The following IQGAP3 variants were observed in gnomAD, a reference collection of about 807,000 sequenced individuals.
IQGAP3 encodes IQ motif containing GTPase activating protein 3.
A neutral mutation model predicts 208.2 loss-of-function variants in IQGAP3; 165 were observed. That is an observed-to-expected ratio of 0.79 (90% confidence interval 0.70 to 0.90). The LOEUF (loss-of-function observed/expected upper bound fraction) is 0.90, where lower values mean the gene tolerates loss of function less well. Among genes scored for constraint, IQGAP3 ranks in the 40% least tolerant of loss-of-function variants. IQGAP3 has a pLI of 0.00. For missense variants in IQGAP3, 1,811 were observed against 2,043.1 expected (o/e 0.89, Z 2.19); for synonymous variants, 703 against 803.6 (o/e 0.87, Z 2.12).
chr1:156,548,737 C>A lies in IQGAP3; in HGVS notation c.1837G>T (p.Val613Leu), dbSNP rs1015302750. 2.5e-6 allele frequency: 4 copies of A among 1,572,106 alleles called. No individual in the cohort carries two copies. Among genetic ancestry groups the A allele is most frequent in the Admixed American group, 3.6e-5 (2 of 56,152 alleles). Reference protein sequence around the residue: ...TNTAQRMALGVAAINQAIKEG... With the variant: ...TNTAQRMALGLAAINQAIKEG... The stretch of plus-strand genomic sequence containing the variant: ...TTGATGGCTTGATTGATGGCAGCCA[C>A]ACCAAGAGCCACTGACAGGGGCATC... The change falls in exon 17 of 38, where the codon GTG becomes TTG. Residue 613 changes from valine to leucine, a missense_variant. Transcript: ENST00000361170.
In IQGAP3 at chr1:156,569,358, T is replaced by C. The variant is rs1181386042; in HGVS notation, c.125+18A>G. On this transcript the variant is annotated intron_variant, in intron 2 of 37. Coordinates refer to ENST00000361170, the MANE Select transcript of IQGAP3 (RefSeq NM_178229.5). The stretch of plus-strand genomic sequence containing the variant: ...AAAGGGAGAGCAGAAAGAGTCCATC[T>C]TCCTGGACTCCGCTCACCGCTTGGC... 1.9e-6 allele frequency: 3 copies of C among 1,564,178 alleles called. No homozygotes were observed. Among genetic ancestry groups the C allele is most frequent in the Middle Eastern group, 1.7e-4 (1 of 5,752 alleles).
intron 26 of IQGAP3, among the ~76,000 whole-genome samples, chr1:156,538,393 T>G (rs1255502292): frequency 6.6e-6 from 1 of 152,158 alleles, no homozygotes; most frequent in Non-Finnish European, 1.5e-5. Flanking sequence ...TTCACCATGT[T>G]GGCCAGGCTG....
intron 10 of IQGAP3, 143 bp from the exon 11 acceptor site, chr1:156,561,164 C>T (rs1676132989): frequency 5.2e-6 from 3 of 580,868 alleles, no homozygotes; most frequent in South Asian, 2.0e-5. Flanking sequence ...TCACTCATCC[C>T]TATTAACCGT....
intron 26 of IQGAP3, among the ~76,000 whole-genome samples, chr1:156,537,855 C>T (rs1370283192): frequency 6.6e-6 from 1 of 152,000 alleles, no homozygotes; most frequent in East Asian, 1.9e-4. Flanking sequence ...TCTTCTATAC[C>T]CCTATCAATA....
chr1:156,530,131 G>A lies in IQGAP3; in HGVS notation c.4378C>T (p.Gln1460Ter). The A allele has an allele frequency of 6.2e-7, 1 of 1,606,822 alleles. No homozygotes were observed. The highest frequency in any genetic ancestry group is 8.5e-7 in the Non-Finnish European group (1 of 1,176,718). Residue 1460 changes from glutamine to a stop codon, truncating the protein, a stop_gained, in exon 34 of 38, where the codon CAG (glutamine) becomes TAG (stop). Transcript: ENST00000361170. LOFTEE classifies it high-confidence loss of function. ...TTGGCCAGCTCGTCCACTAGCCCCT[G>A]GTAGCCATTTCTGGCGCTGACCAAC... ...LGLVSARNGY[Q>*]GLVDELAKDI...
intron 13 of IQGAP3, among the ~76,000 whole-genome samples, chr1:156,553,166 A>AC (rs1423981917): frequency 6.6e-6 from 1 of 151,828 alleles, no homozygotes; most frequent in Non-Finnish European, 1.5e-5. Context: ...GCAGAGCAAG[A>AC]CCCTGTCTCT....
intron 28 of IQGAP3, 38 bp from the exon 29 acceptor site, chr1:156,534,771 G>A (rs749700197): frequency 3.5e-6 from 5 of 1,419,930 alleles, no homozygotes; most frequent in Admixed American, 2.8e-5. Flanking sequence ...GTGTCCAGGG[G>A]CCGCCTTGAC....
chr1:156,535,422 C>T (rs762284007), intron 27 of IQGAP3, among the ~76,000 whole-genome samples, 175 bp from the exon 28 acceptor site: 5 of 152,192 alleles, frequency 3.3e-5, no homozygotes, highest in Non-Finnish European at 5.9e-5. Flanking sequence ...TTCCTCCAAA[C>T]GTCTCTGGGC....
intron 32 of IQGAP3, among the ~76,000 whole-genome samples, chr1:156,531,821 TC>T (rs1316651480): frequency 2.0e-5 from 3 of 151,494 alleles, no homozygotes; most frequent in African/African-American, 7.3e-5. Context: ...GCCAGGCTGG[TC>T]TCGAACTCCT....
intron 2 of IQGAP3, among the ~76,000 whole-genome samples, chr1:156,567,374 G>A (rs944797614): frequency 2.0e-5 from 3 of 152,178 alleles, no homozygotes; most frequent in African/African-American, 7.2e-5. Context: ...CTTGGAGTCC[G>A]AAGGCCCCCT....
At position 156,539,906 on chromosome 1, in the gene IQGAP3, A is replaced by C; in HGVS notation, c.2824T>G (p.Leu942Val). The C allele has an allele frequency of 6.2e-7, 1 of 1,613,990 alleles. No individual in the cohort carries two copies. The highest frequency in any genetic ancestry group is 8.5e-7 in the Non-Finnish European group (1 of 1,180,002). The change falls in exon 24 of 38, where the codon TTA becomes GTA. Residue 942 changes from leucine to valine, a missense_variant. Leu to Val is a conservative substitution (Grantham distance 32). Coordinates refer to ENST00000361170, the MANE Select transcript of IQGAP3 (RefSeq NM_178229.5). ...DMMVLDKQKG[L>V]KSLSKEKRQK... Reference sequence around the variant, plus strand: ...CGTTTCTCTTTGCTCAGCGACTTTAAACCCTTCTGCTTGTCCAGAACCATC... The same window carrying C: ...CGTTTCTCTTTGCTCAGCGACTTTACACCCTTCTGCTTGTCCAGAACCATC...
In IQGAP3 at chr1:156,543,999, C is replaced by T; in HGVS notation, c.2512G>A (p.Asp838Asn). Residue 838 changes from aspartate to asparagine, a missense_variant, in exon 22 of 38, where the codon GAT becomes AAT. Coordinates refer to ENST00000361170, the MANE Select transcript of IQGAP3 (RefSeq NM_178229.5). ...QAFFRARKAQ[D>N]DYRILVHAPH... is the part of the protein sequence containing the mutation. ...AGCTCACCTAATATCCTGTAGTCAT[C>T]TTGGGCTTTCCTGGCTCGGAAAAAT... 6.2e-7 allele frequency: 1 copy of T among 1,614,168 alleles called. No homozygotes were observed. The highest frequency in any genetic ancestry group is 2.2e-5 in the East Asian group (1 of 44,890).
chr1:156,526,250 C>T lies in IQGAP3; in HGVS notation c.*236G>A. 1.9e-6 allele frequency: 1 copy of T among 527,184 alleles called. No individual in the cohort carries two copies. The highest frequency in any genetic ancestry group is 3.4e-6 in the Non-Finnish European group (1 of 291,844). 32.7% of individuals were successfully genotyped at this position (527,184 alleles called of 1,614,324 possible). On this transcript the variant is annotated 3_prime_UTR_variant, in exon 38 of 38. Transcript: ENST00000361170. ...TCTGGCAGGAAAGCCAGGGGTTTGT[C>T]ATGCATGATAAAAGCCACACAGCTG...
At chr1:156,559,928 G>A (rs1218369824) in intron 11 of IQGAP3, among the ~76,000 whole-genome samples, 2 of 152,224 alleles carry the variant, frequency 1.3e-5, no homozygotes, top group African/African-American at 4.8e-5. Flanking sequence ...AGATTACTCT[G>A]GCAGCAGCAA....
At chr1:156,553,201 T>C (rs1404472961) in intron 13 of IQGAP3, among the ~76,000 whole-genome samples, 4 of 151,272 alleles carry the variant, frequency 2.6e-5, no homozygotes, top group African/African-American at 9.7e-5. Flanking sequence ...AAGAAGTAGG[T>C]CAGATCAACT....
chr1:156,548,226 G>A lies in IQGAP3; in HGVS notation c.2151C>T (p.Val717=). The A allele has an allele frequency of 6.2e-7, 1 of 1,613,806 alleles. No homozygotes were observed. Among genetic ancestry groups the A allele is most frequent in the Non-Finnish European group, 8.5e-7 (1 of 1,179,752 alleles). Residue 717 remains valine, a synonymous_variant, in exon 19 of 38, where the codon GTC becomes GTT. Transcript: ENST00000361170. ...GCTGTTGGCGGTCATAGGCAGCAGT[G>A]ACCTTGGTGACAGCTGACTGTGGAG... ...REEIQSAVTK[V]TAAYDRQQLW...
In IQGAP3 at chr1:156,538,988, T is replaced by C; in HGVS notation, c.3102A>G (p.Thr1034=). The C allele has an allele frequency of 6.2e-7, 1 of 1,614,154 alleles. No individual in the cohort carries two copies. Among genetic ancestry groups the C allele is most frequent in the Non-Finnish European group, 8.5e-7 (1 of 1,180,004 alleles). ...AGAATCTCACCACCAGCCTCACCAC[T>C]GTTGGGTTGCCTGTCACCACGTCCT... ...QPQDVVTGNP[T]VVRLVVRFYR... The change falls in exon 26 of 38, where the codon ACA becomes ACG. Residue 1034 remains threonine (T), a synonymous_variant. Transcript: ENST00000361170.
chr1:156,525,755 T>C lies in IQGAP3; in HGVS notation c.*731A>G, dbSNP rs1173646474. 1 of 65,794 alleles carries C rather than the reference T, an allele frequency of 1.5e-5. No homozygotes were observed. The highest frequency in any genetic ancestry group is 4.3e-4 in the South Asian group (1 of 2,312). The allele number at this position is 65,794 out of a possible 1,614,324, so 4.1% of individuals were successfully genotyped here. ...AAAAAAAAAAAAAAAAAAAAAAAAA[T>C]GAAAGCGTTAAAACCCTGATTAAGT... is the stretch of plus-strand genomic sequence containing the variant. On this transcript the variant is annotated 3_prime_UTR_variant, in exon 38 of 38. Coordinates refer to ENST00000361170, the MANE Select transcript of IQGAP3 (RefSeq NM_178229.5).
chr1:156,537,360 C>A, intron 26 of IQGAP3, 39 bp from the exon 27 acceptor site: 2 of 1,561,776 alleles, frequency 1.3e-6, no homozygotes, highest in South Asian at 1.2e-5. Flanking sequence ...CAGGAGCCCC[C>A]TCCAATGGCC....
Sources: allele counts gnomAD v4.1 joint callset (sites outside exome capture counted in the v4.1 genomes callset), GRCh38; gene constraint gnomAD v4.1.1; transcripts MANE v1.5; gene names NCBI Gene and HGNC (gene_info 2026-07-23, HGNC 2026-07-21).